The following SVIL variants were observed in gnomAD, a reference collection of about 807,000 sequenced individuals.
SVIL encodes the protein archvillin.
SVIL carries 101 observed loss-of-function variants against 240.4 expected under a neutral mutation model. The observed-to-expected ratio is 0.42, with a 90% CI of 0.36 to 0.50. The LOEUF (loss-of-function observed/expected upper bound fraction) is 0.50. Ranked by LOEUF, SVIL falls within the 20% of genes least tolerant of loss-of-function variation. SVIL has a pLI of 0.01. For synonymous variants in SVIL, 999 were observed against 1,100.0 expected (o/e 0.91, Z 1.82); for missense variants, 2,512 against 2,818.7 (o/e 0.89, Z 2.46).
intron 2 of SVIL, among the ~76,000 whole-genome samples, chr10:29,660,911 G>A (rs375461079): frequency 2.0e-5 from 3 of 152,082 alleles, no homozygotes; most frequent in African/African-American, 7.2e-5. Flanking sequence ...CCTCACGCCT[G>A]TAATCCCAGC....
At chr10:29,559,374 A>AT (rs141051733) in intron 3 of SVIL, among the ~76,000 whole-genome samples, 18,398 of 151,984 alleles carry the variant, frequency 0.12, 1,480 homozygotes, top group Non-Finnish European at 0.17. Context: ...TTTACATAGT[A>AT]TTTTTTCTGA....
intron 1 of SVIL, among the ~76,000 whole-genome samples, chr10:29,577,758 A>G (rs1437295229): frequency 6.6e-6 from 1 of 152,238 alleles, no homozygotes; most frequent in Non-Finnish European, 1.5e-5. Flanking sequence ...AGGAATGCCA[A>G]TAACATTTCT....
At chr10:29,473,646 A>AAAAGTGGGAGG in intron 30 of SVIL, 192 bp downstream of exon 30, 1 of 661,852 alleles carries the variant, frequency 1.5e-6, no homozygotes. Context: ...TCATCTTACA[A>AAAAGTGGGAGG]AAAGTGGGAG....
At chr10:29,466,291 TATAA>T (rs1213848308) in intron 33 of SVIL, among the ~76,000 whole-genome samples, 6 of 152,006 alleles carry the variant, frequency 3.9e-5, no homozygotes, top group Non-Finnish European at 7.4e-5. Context: ...TATACATGTA[TATAA>T]ATATACATCT....
At position 29,631,290 on chromosome 10, in the gene SVIL, C is replaced by T. The variant is rs141613435; in HGVS notation, c.-201+3130G>A. Among the ~76,000 whole-genome samples, 1,440 of 152,332 alleles carry T rather than the reference C, an allele frequency of 9.5e-3. 68 individuals are homozygous for T. Among genetic ancestry groups the T allele is most frequent in the Admixed American group, 0.074 (1,128 of 15,296 alleles). On this transcript the variant is annotated intron_variant, in intron 1 of 37. Transcript: ENST00000355867. ...AAGGTCATTCTGTGGCTAGACCAGA[C>T]GGAGGAGAAACCGAGGGCCAAGGGA...
chr10:29,637,719 G>A (rs563874142), upstream of SVIL, among the ~76,000 whole-genome samples: 1 of 152,280 alleles, frequency 6.6e-6, no homozygotes, highest in African/African-American at 2.4e-5. Flanking sequence ...CAAAAGCAAT[G>A]AGCTTCTACC....
intron 3 of SVIL, among the ~76,000 whole-genome samples, chr10:29,562,426 C>T (rs1331974873): frequency 1.3e-5 from 2 of 152,186 alleles, no homozygotes; most frequent in South Asian, 2.1e-4. Flanking sequence ...AAAGTCTGCA[C>T]GGGCTGTTCG....
intron 22 of SVIL, 37 bp from the exon 23 acceptor site, chr10:29,488,793 T>C (rs1352415333): frequency 4.4e-6 from 7 of 1,589,730 alleles, no homozygotes; most frequent in Admixed American, 1.8e-5. Flanking sequence ...ACGCAGGAGG[T>C]TCAGTTACAG....
intron 3 of SVIL, among the ~76,000 whole-genome samples, chr10:29,652,423 T>C (rs1958867876): frequency 6.6e-6 from 1 of 152,238 alleles, no homozygotes; most frequent in South Asian, 2.1e-4. Flanking sequence ...TGTATGGATA[T>C]ACCACATTTT....
At chr10:29,585,084 TCC>T (rs1491338484) in intron 1 of SVIL, among the ~76,000 whole-genome samples, 3 of 117,738 alleles carry the variant, frequency 2.5e-5, no homozygotes, top group Non-Finnish European at 5.5e-5. Context: ...TTATTCTTCT[TCC>T]TTTTTTTTTT....
intron 3 of SVIL, among the ~76,000 whole-genome samples, chr10:29,644,725 T>C (rs1433347808): frequency 6.6e-6 from 1 of 152,202 alleles, no homozygotes; most frequent in African/African-American, 2.4e-5. Flanking sequence ...CTATGTGTTG[T>C]ATCTTACAAT....
At chr10:29,633,064 T>C (rs1958167111) in intron 1 of SVIL, among the ~76,000 whole-genome samples, 1 of 151,892 alleles carries the variant, frequency 6.6e-6, no homozygotes, top group East Asian at 1.9e-4. Context: ...AAACCCCGTC[T>C]CTACTAAAAA....
chr10:29,578,537 G>A (rs1471725586), intron 1 of SVIL, among the ~76,000 whole-genome samples: 1 of 152,170 alleles, frequency 6.6e-6, no homozygotes, highest in Admixed American at 6.5e-5. Flanking sequence ...TTGACACCAG[G>A]TGCGCACAGA....
intron 6 of SVIL, among the ~76,000 whole-genome samples, chr10:29,545,861 A>C (rs1210352695): frequency 6.2e-5 from 8 of 129,176 alleles, no homozygotes; most frequent in Non-Finnish European, 1.1e-4. Context: ...CTCAAAAAAA[A>C]AAAAAAAAAA....
intron 29 of SVIL, among the ~76,000 whole-genome samples, chr10:29,478,121 C>A (rs1471855410): frequency 6.6e-6 from 1 of 151,976 alleles, no homozygotes; most frequent in Non-Finnish European, 1.5e-5. Flanking sequence ...AGTTCCATTA[C>A]TCCAAAGGTT....
intron 6 of SVIL, among the ~76,000 whole-genome samples, chr10:29,547,079 TG>T (rs1268553326): frequency 6.6e-6 from 1 of 152,194 alleles, no homozygotes; most frequent in African/African-American, 2.4e-5. Context: ...GTTACTGTTT[TG>T]GGTTACCACA....
chr10:29,722,608 A>G (rs1488900739), intron 1 of SVIL, among the ~76,000 whole-genome samples: 3 of 152,244 alleles, frequency 2.0e-5, no homozygotes, highest in Admixed American at 2.0e-4. Flanking sequence ...ATTTAAAAAT[A>G]AAAACCTGGT....
intron 3 of SVIL, among the ~76,000 whole-genome samples, chr10:29,655,482 C>T (rs559657263): frequency 5.9e-5 from 9 of 152,308 alleles, no homozygotes; most frequent in Non-Finnish European, 5.9e-5. Context: ...TCTACTGCTT[C>T]GCTCTTGCCA....
At chr10:29,645,399 G>A (rs1161775252) in intron 3 of SVIL, among the ~76,000 whole-genome samples, 2 of 152,016 alleles carry the variant, frequency 1.3e-5, no homozygotes, top group Non-Finnish European at 2.9e-5. Context: ...GTGAAACCAT[G>A]TCTCTACTAA....
Sources: gnomAD v4.1 joint callset for allele counts (sites outside exome capture counted in the v4.1 genomes callset) on GRCh38, gnomAD v4.1.1 for gene constraint, MANE v1.5 for transcripts, NCBI Gene and HGNC (gene_info 2026-07-23, HGNC 2026-07-21) for gene names.